BCL2L14: variants seen among roughly 807,000 people sequenced by gnomAD.
BCL2L14 encodes the protein BCL2 like 14.
BCL2L14 carries 27 observed loss-of-function variants against 35.3 expected under a neutral mutation model. The observed-to-expected ratio is 0.76, with a 90% CI of 0.56 to 1.05. The LOEUF is 1.05. BCL2L14 is among the 50% of genes least tolerant of loss of function. The probability of loss-of-function intolerance (pLI) is 0.00; values close to 1 mark genes in which losing one functional copy is unlikely to be tolerated. For missense variants in BCL2L14, 377 were observed against 382.6 expected (o/e 0.99, Z 0.12); for synonymous variants, 139 against 145.9 (o/e 0.95, Z 0.34).
chr12:12,058,648 C>G (rs2136711360), intron 2 of BCL2L14, among the ~76,000 whole-genome samples: 1 of 152,150 alleles, frequency 6.6e-6, no homozygotes, highest in East Asian at 1.9e-4. Context: ...TACCCAAATC[C>G]TATAAAACAG....
intron 2 of BCL2L14, among the ~76,000 whole-genome samples, chr12:12,062,897 G>T (rs1482060822): frequency 6.6e-6 from 1 of 152,206 alleles, no homozygotes; most frequent in Non-Finnish European, 1.5e-5. Flanking sequence ...AAGTAGAACA[G>T]ACTAAAGGTC....
intron 2 of BCL2L14, among the ~76,000 whole-genome samples, chr12:12,057,089 G>A (rs1023132375): frequency 6.6e-5 from 10 of 152,076 alleles, no homozygotes; most frequent in Non-Finnish European, 4.4e-5. Context: ...CAGCTCAAAG[G>A]AGAAAACTCC....
At chr12:12,096,112 C>T (rs1949306779) in intron 5 of BCL2L14, 1 of 985,358 alleles carries the variant, frequency 1.0e-6, no homozygotes, top group African/African-American at 1.7e-5. Context: ...AAAGGCTGCA[C>T]AGTCTCTAAT....
chr12:12,086,860 AAAAAT>A (rs1295626197), intron 2 of BCL2L14, among the ~76,000 whole-genome samples: 5 of 152,248 alleles, frequency 3.3e-5, no homozygotes, highest in African/African-American at 1.2e-4. Context: ...AAAAAAGAAT[AAAAAT>A]AAAAGCATAA....
upstream of BCL2L14, among the ~76,000 whole-genome samples, chr12:12,067,716 T>C (rs1948610206): frequency 6.6e-6 from 1 of 152,206 alleles, no homozygotes; most frequent in African/African-American, 2.4e-5. Flanking sequence ...TGACCCTGTT[T>C]TACGAGTTTT....
chr12:12,059,542 C>T (rs1285751530), intron 2 of BCL2L14, among the ~76,000 whole-genome samples: 1 of 151,920 alleles, frequency 6.6e-6, no homozygotes, highest in Non-Finnish European at 1.5e-5. Context: ...GCACCCCATC[C>T]CTTATTTCCA....
At position 12,084,689 on chromosome 12, in the gene BCL2L14, A is replaced by G. The variant is rs143303580; in HGVS notation, c.434-2524A>G. 1.7e-3 allele frequency among the ~76,000 whole-genome samples: 261 copies of G among 152,272 alleles called. 3 individuals are homozygous for G. The highest frequency in any genetic ancestry group is 0.012 in the Admixed American group (179 of 15,296). ...AATCTTTTCTTTTTCATGTTTTAAA[A>G]TTAAAATATCCAAGATGGGAATTTT... On this transcript the variant is annotated intron_variant, in intron 2 of 5. Coordinates refer to ENST00000308721, the MANE Select transcript of BCL2L14 (RefSeq NM_138723.2).
intron 2 of BCL2L14, among the ~76,000 whole-genome samples, chr12:12,062,468 C>G (rs1397862964): frequency 2.0e-5 from 3 of 151,086 alleles, no homozygotes; most frequent in Non-Finnish European, 4.4e-5. Context: ...CATTTCCTTT[C>G]CATCGTGGAA....
intron 1 of BCL2L14, among the ~76,000 whole-genome samples, chr12:12,077,388 C>CA (rs1051234747): frequency 6.6e-6 from 1 of 151,678 alleles, no homozygotes; most frequent in African/African-American, 2.4e-5. Context: ...AAAGACAAAA[C>CA]AAAAAAATTA....
intron 2 of BCL2L14, 67 bp downstream of exon 2, chr12:12,079,805 C>A: frequency 6.8e-7 from 1 of 1,474,782 alleles, no homozygotes; most frequent in Non-Finnish European, 9.2e-7. Flanking sequence ...CAGAGTGGTA[C>A]ATCTCTTCTC....
At chr12:12,050,925 C>A (rs1948350003) in intron 1 of BCL2L14, among the ~76,000 whole-genome samples, 1 of 151,500 alleles carries the variant, frequency 6.6e-6, no homozygotes, top group Non-Finnish European at 1.5e-5. Flanking sequence ...CCTCATGCAG[C>A]CCGTGGAAGC....
At chr12:12,059,429 CCT>C (rs1948488504) in intron 2 of BCL2L14, among the ~76,000 whole-genome samples, 1 of 151,868 alleles carries the variant, frequency 6.6e-6, no homozygotes, top group African/African-American at 2.4e-5. Context: ...ATTTCTGCAC[CCT>C]GACCTCATAT....
intron 4 of BCL2L14, among the ~76,000 whole-genome samples, chr12:12,091,492 A>C (rs1949187210): frequency 1.3e-5 from 2 of 152,376 alleles, no homozygotes; most frequent in African/African-American, 4.8e-5. Flanking sequence ...TCCATAACCC[A>C]CAGACGACTG....
At chr12:12,050,153 G>A (rs1760298754) in intron 1 of BCL2L14, among the ~76,000 whole-genome samples, 1 of 152,188 alleles carries the variant, frequency 6.6e-6, no homozygotes, top group South Asian at 2.1e-4. Flanking sequence ...AACACTCAGG[G>A]CCAAGGGTAG....
chr12:12,051,954 T>G (rs2136704229), intron 2 of BCL2L14: 1 of 152,324 alleles, frequency 6.6e-6, no homozygotes. Context: ...GAAGTGGAAT[T>G]GAGTTGGAGT....
chr12:12,064,518 G>A (rs1247865439), intron 2 of BCL2L14, among the ~76,000 whole-genome samples: 45 of 152,196 alleles, frequency 3.0e-4, no homozygotes, highest in Non-Finnish European at 2.5e-4. Flanking sequence ...TAATTGGCAT[G>A]GACTCAGTAA....
intron 2 of BCL2L14, among the ~76,000 whole-genome samples, chr12:12,082,244 C>T (rs927733396): frequency 5.3e-5 from 8 of 152,332 alleles, no homozygotes; most frequent in African/African-American, 1.7e-4. Context: ...TACAGCAAGG[C>T]ATCTGCTCTC....
chr12:12,068,122 T>G (rs1265837736), upstream of BCL2L14: 3 of 398,244 alleles, frequency 7.5e-6, no homozygotes, highest in Non-Finnish European at 1.3e-5. Context: ...TTTTTATTTT[T>G]TTGTAGTGAT....
At chr12:12,059,229 G>A (rs796273730) in intron 2 of BCL2L14, among the ~76,000 whole-genome samples, 7 of 151,772 alleles carry the variant, frequency 4.6e-5, no homozygotes, top group African/African-American at 1.7e-4. Flanking sequence ...TTCACCCTTA[G>A]CGGCAAGTCC....
Sources: gnomAD v4.1 joint callset for allele counts (sites outside exome capture counted in the v4.1 genomes callset) on GRCh38, gnomAD v4.1.1 for gene constraint, MANE v1.5 for transcripts, NCBI Gene and HGNC (gene_info 2026-07-23, HGNC 2026-07-21) for gene names.